Variants in ASIC2 observed in about 807,000 individuals in gnomAD.
ASIC2 encodes acid-sensing ion channel 2.
Under a neutral mutation model 57.3 loss-of-function variants are expected in ASIC2, and 25 were observed. That is an observed-to-expected ratio of 0.44 (90% CI 0.32 to 0.61). ASIC2 has a LOEUF of 0.61. Ranked by LOEUF, ASIC2 falls within the 20% of genes least tolerant of loss-of-function variation. ASIC2 has a pLI of 0.06. For synonymous variants in ASIC2, 319 were observed against 307.5 expected (o/e 1.04, Z -0.39); for missense variants, 641 against 738.1 (o/e 0.87, Z 1.52).
chr17:33,813,820 T>G (rs1431687022), intron 1 of ASIC2, among the ~76,000 whole-genome samples: 1 of 152,310 alleles, frequency 6.6e-6, no homozygotes, highest in Non-Finnish European at 1.5e-5. Flanking sequence ...ATGCTTTACA[T>G]TTTTTTGTTT....
chr17:33,339,005 A>T (rs1939063029), intron 1 of ASIC2, among the ~76,000 whole-genome samples: 1 of 152,206 alleles, frequency 6.6e-6, no homozygotes, highest in African/African-American at 2.4e-5. Flanking sequence ...GTTGTACGAC[A>T]ATATGAATAT....
chr17:33,015,134 C>T (rs987667364), intron 9 of ASIC2, among the ~76,000 whole-genome samples: 4 of 152,126 alleles, frequency 2.6e-5, no homozygotes, highest in South Asian at 2.1e-4. Flanking sequence ...GAAATGGAAT[C>T]CATATAGGGA....
chr17:33,405,609 G>GCAA, intron 1 of ASIC2, among the ~76,000 whole-genome samples: 3 of 151,232 alleles, frequency 2.0e-5, no homozygotes, highest in African/African-American at 7.3e-5. Context: ...TCAGCCTCCT[G>GCAA]AGTAGCTGGG....
chr17:33,230,382 G>A (rs1401272852), intron 1 of ASIC2, among the ~76,000 whole-genome samples: 4 of 152,212 alleles, frequency 2.6e-5, no homozygotes, highest in South Asian at 4.1e-4. Flanking sequence ...AGCTATCCAG[G>A]ACAAAAGGAA....
intron 1 of ASIC2, among the ~76,000 whole-genome samples, chr17:33,546,864 T>A (rs771978080): frequency 2.6e-5 from 4 of 152,070 alleles, no homozygotes; most frequent in Non-Finnish European, 4.4e-5. Flanking sequence ...CATGGCCAGG[T>A]GACTGGTTCT....
intron 1 of ASIC2, among the ~76,000 whole-genome samples, chr17:33,773,679 G>C (rs1166753798): frequency 7.2e-6 from 1 of 139,228 alleles, no homozygotes; most frequent in Non-Finnish European, 1.5e-5. Flanking sequence ...TTTTGAGACA[G>C]AGTCTCACTC....
chr17:33,507,059 G>A (rs919390153), intron 1 of ASIC2, among the ~76,000 whole-genome samples: 2 of 152,160 alleles, frequency 1.3e-5, no homozygotes, highest in Non-Finnish European at 2.9e-5. Flanking sequence ...AAGGGGCCGG[G>A]AACACTTGGA....
At chr17:33,133,775 T>C (rs996740801) in intron 1 of ASIC2, among the ~76,000 whole-genome samples, 4 of 152,036 alleles carry the variant, frequency 2.6e-5, no homozygotes, top group Non-Finnish European at 5.9e-5. Flanking sequence ...CCCTGCCCCA[T>C]CACTACCATC....
rs185832556 is a variant in ASIC2 at position 33,885,141 on chromosome 17, G to A, written c.555+270837C>T. Reference sequence around the variant, plus strand: ...CTAACAGGGAGGCAAGGTTGTGCATGGCTGGTAGCACAGGCTGGTGTCAAA... The same window carrying A: ...CTAACAGGGAGGCAAGGTTGTGCATAGCTGGTAGCACAGGCTGGTGTCAAA... On this transcript the variant is annotated intron_variant, in intron 1 of 9. Coordinates refer to the ASIC2 transcript ENST00000359872. Among the ~76,000 whole-genome samples the A allele has an allele frequency of 3.9e-3, 589 of 152,272 alleles. 4 individuals are homozygous for A. The highest frequency in any genetic ancestry group is 9.3e-3 in the Admixed American group (142 of 15,306).
At chr17:34,109,075 T>C (rs1041924659) in intron 1 of ASIC2, among the ~76,000 whole-genome samples, 1 of 151,624 alleles carries the variant, frequency 6.6e-6, no homozygotes, top group South Asian at 2.1e-4. Flanking sequence ...ATTATTATTA[T>C]ACTTTAAGTT....
At chr17:33,221,538 G>A (rs1907691749) in intron 1 of ASIC2, among the ~76,000 whole-genome samples, 1 of 152,086 alleles carries the variant, frequency 6.6e-6, no homozygotes. Flanking sequence ...TCTAAATTCT[G>A]CTCCTACCTG....
Position 34,034,518 on chromosome 17 carries a change from C to T in ASIC2, c.555+121460G>A, listed in dbSNP as rs572449437. ...TCTTGGAAATTCTGGCCAGGGCAAT[C>T]AGGCAGGAGAAGGAAATAAAGGGTA... On this transcript the variant is annotated intron_variant, in intron 1 of 9. Transcript: ENST00000359872. Among the ~76,000 whole-genome samples, 10 of 152,270 alleles carry T rather than the reference C, an allele frequency of 6.6e-5. No homozygotes were observed. The South Asian group carries it at 1.9e-3, about 28-fold the overall frequency.
chr17:34,145,281 T>A (rs2142139328), intron 1 of ASIC2, among the ~76,000 whole-genome samples: 1 of 152,354 alleles, frequency 6.6e-6, no homozygotes, highest in East Asian at 1.9e-4. Context: ...GACTACACAG[T>A]ATTGGGAAAT....
intron 1 of ASIC2, among the ~76,000 whole-genome samples, chr17:33,247,108 G>A (rs777739051): frequency 3.3e-5 from 5 of 152,170 alleles, no homozygotes; most frequent in African/African-American, 4.8e-5. Flanking sequence ...TCGATAGAGC[G>A]TTTATTAAGG....
intron 9 of ASIC2, among the ~76,000 whole-genome samples, chr17:33,015,593 C>G (rs2091801479): frequency 6.6e-6 from 1 of 152,178 alleles, no homozygotes; most frequent in Admixed American, 6.5e-5. Context: ...GATGGAGGGC[C>G]AATGATGCTT....
intron 1 of ASIC2, among the ~76,000 whole-genome samples, chr17:33,429,386 G>C (rs1045832825): frequency 6.6e-6 from 1 of 151,860 alleles, no homozygotes; most frequent in Non-Finnish European, 1.5e-5. Flanking sequence ...GTTTTGTTTT[G>C]TTTTGTCTTT....
At chr17:33,510,481 A>G (rs1167857878) in intron 1 of ASIC2, among the ~76,000 whole-genome samples, 3 of 151,794 alleles carry the variant, frequency 2.0e-5, no homozygotes, top group African/African-American at 7.3e-5. Flanking sequence ...CCATCTCTAC[A>G]AAAACTAAAC....
At chr17:33,760,604 G>GATAT (rs34210908) in intron 1 of ASIC2, among the ~76,000 whole-genome samples, 2,613 of 149,152 alleles carry the variant, frequency 0.018, 31 homozygotes, top group Middle Eastern at 0.042. Context: ...ATATATGCAA[G>GATAT]ATATATATAT....
rs553867747 is a variant in ASIC2 at position 33,801,699 on chromosome 17, T to C, written c.555+354279A>G. On this transcript the variant is annotated intron_variant, in intron 1 of 9. Coordinates refer to the ASIC2 transcript ENST00000359872. ...CACCCAGTGAACAGTTGCTCTTCTG[T>C]TGTTATTAGCCAGAACCTTCAATGT... Among the ~76,000 whole-genome samples the C allele has an allele frequency of 1.2e-3, 176 of 152,352 alleles. 1 individual carries two copies. Among genetic ancestry groups the C allele is most frequent in the Middle Eastern group, 6.8e-3 (2 of 294 alleles).
Sources: gnomAD v4.1 joint callset for allele counts (sites outside exome capture counted in the v4.1 genomes callset) on GRCh38, gnomAD v4.1.1 for gene constraint, MANE v1.5 for transcripts, NCBI Gene and HGNC (gene_info 2026-07-23, HGNC 2026-07-21) for gene names.